Variants in SYN3 observed in about 807,000 individuals in gnomAD.
SYN3 encodes the protein synapsin-3.
Under a neutral mutation model 65.8 loss-of-function variants are expected in SYN3, and 35 were observed. The ratio of observed to expected loss-of-function variants is 0.53; its 90% confidence interval spans 0.41 to 0.70. SYN3 has a LOEUF of 0.70. Ranked by LOEUF, SYN3 falls within the 30% of genes least tolerant of loss-of-function variation. The probability of loss-of-function intolerance (pLI) is 0.00; values close to 1 mark genes in which losing one functional copy is unlikely to be tolerated. For synonymous variants in SYN3, 270 were observed against 292.9 expected (o/e 0.92, Z 0.80); for missense variants, 680 against 749.0 (o/e 0.91, Z 1.08).
intron 12 of SYN3, among the ~76,000 whole-genome samples, chr22:32,527,476 T>C (rs750254735): frequency 2.0e-5 from 3 of 152,020 alleles, no homozygotes; most frequent in Admixed American, 6.6e-5. Context: ...GGTGTGCACC[T>C]GTAATCCCAG....
At chr22:32,840,635 G>A (rs145053386) in intron 6 of SYN3, among the ~76,000 whole-genome samples, 20 of 151,746 alleles carry the variant, frequency 1.3e-4, no homozygotes, top group Non-Finnish European at 2.8e-4. Flanking sequence ...TCTCCTTACC[G>A]CCGCCCCCTC....
At chr22:32,918,983 T>C (rs1277833031) in intron 4 of SYN3, among the ~76,000 whole-genome samples, 1 of 152,224 alleles carries the variant, frequency 6.6e-6, no homozygotes, top group African/African-American at 2.4e-5. Context: ...CCTGGGCTAG[T>C]CCTAGATGCT....
At chr22:32,601,480 T>C (rs547954789) in intron 6 of SYN3, among the ~76,000 whole-genome samples, 5 of 152,362 alleles carry the variant, frequency 3.3e-5, no homozygotes, top group African/African-American at 9.6e-5. Context: ...GGTTTCACCG[T>C]GTTAGCCAGA....
intron 6 of SYN3, among the ~76,000 whole-genome samples, chr22:32,636,754 A>C (rs2059822872): frequency 6.6e-6 from 1 of 152,340 alleles, no homozygotes; most frequent in Middle Eastern, 3.4e-3. Flanking sequence ...AAGCAGTGTC[A>C]GGAGATTTGG....
At chr22:32,569,563 CTCTCTCTCTATA>C (rs960381346) in intron 7 of SYN3, among the ~76,000 whole-genome samples, 46 of 52,888 alleles carry the variant, frequency 8.7e-4, no homozygotes, top group African/African-American at 2.5e-3. Context: ...CTCTCTCTCT[CTCTCTCTCTATA>C]TATATATATA....
At chr22:32,867,880 G>A (rs1485636860) in intron 5 of SYN3, among the ~76,000 whole-genome samples, 1 of 152,142 alleles carries the variant, frequency 6.6e-6, no homozygotes, top group Non-Finnish European at 1.5e-5. Flanking sequence ...CGTGTCTGGC[G>A]AGGAGTGGTA....
chr22:32,633,684 G>A (rs1177602129), intron 6 of SYN3, among the ~76,000 whole-genome samples: 2 of 152,158 alleles, frequency 1.3e-5, no homozygotes, highest in Non-Finnish European at 2.9e-5. Context: ...GTGCAGTGAT[G>A]TGATCACAGC....
intron 5 of SYN3, among the ~76,000 whole-genome samples, chr22:32,868,193 AT>A (rs2048740057): frequency 6.6e-6 from 1 of 152,164 alleles, no homozygotes; most frequent in African/African-American, 2.4e-5. Flanking sequence ...GTTAACAATA[AT>A]GATAGAATGT....
intron 6 of SYN3, among the ~76,000 whole-genome samples, chr22:32,854,404 C>A (rs998526937): frequency 6.6e-6 from 1 of 152,166 alleles, no homozygotes; most frequent in African/African-American, 2.4e-5. Context: ...CCAGGGGCTT[C>A]ATTCTCTCAC....
chr22:32,569,563 C>CTGTATATA (rs373627613), intron 7 of SYN3, among the ~76,000 whole-genome samples: 51 of 52,882 alleles, frequency 9.6e-4, no homozygotes, highest in African/African-American at 2.8e-3. Flanking sequence ...CTCTCTCTCT[C>CTGTATATA]TCTCTCTCTA....
At chr22:32,870,433 A>G (rs2048819567) in intron 4 of SYN3, among the ~76,000 whole-genome samples, 1 of 152,218 alleles carries the variant, frequency 6.6e-6, no homozygotes. Context: ...AGTTCACTGA[A>G]TGATATATCA....
intron 6 of SYN3, among the ~76,000 whole-genome samples, chr22:32,779,333 G>A (rs2045978679): frequency 6.6e-6 from 1 of 152,088 alleles, no homozygotes; most frequent in Non-Finnish European, 1.5e-5. Context: ...GATGGTACAC[G>A]CCTGCAGTCC....
At chr22:32,958,266 G>A (rs1276990838) in intron 3 of SYN3, among the ~76,000 whole-genome samples, 1 of 152,192 alleles carries the variant, frequency 6.6e-6, no homozygotes, top group Non-Finnish European at 1.5e-5. Context: ...CCTAGACCCA[G>A]AGCAAGGGAA....
chr22:32,909,679 T>C (rs1410234980), intron 4 of SYN3, among the ~76,000 whole-genome samples: 1 of 130,520 alleles, frequency 7.7e-6, no homozygotes, highest in Non-Finnish European at 1.6e-5. Context: ...GCCTGGCTGC[T>C]GGCCTGAATT....
chr22:32,521,178 G>A (rs926122120), intron 12 of SYN3, among the ~76,000 whole-genome samples: 1 of 152,164 alleles, frequency 6.6e-6, no homozygotes, highest in East Asian at 1.9e-4. Flanking sequence ...TTGCCCACTT[G>A]AGATAAAAAC....
chr22:32,806,074 G>A (rs2046727144), intron 6 of SYN3, among the ~76,000 whole-genome samples: 1 of 151,782 alleles, frequency 6.6e-6, no homozygotes, highest in Non-Finnish European at 1.5e-5. Flanking sequence ...GTGGCCCAAG[G>A]AGAAGTAAGG....
intron 6 of SYN3, among the ~76,000 whole-genome samples, chr22:32,787,412 A>G (rs1018675377): frequency 6.6e-6 from 1 of 152,190 alleles, no homozygotes; most frequent in Admixed American, 6.5e-5. Context: ...CCTAAAATAT[A>G]TGCTTTCAGA....
intron 1 of SYN3, chr22:33,058,003 T>G (rs967193622): frequency 1.3e-5 from 2 of 152,356 alleles, no homozygotes; most frequent in African/African-American, 2.4e-5. Flanking sequence ...GGATCCACAG[T>G]CTTGCGCGCC....
At chr22:32,970,313 G>C (rs780353808) in intron 3 of SYN3, among the ~76,000 whole-genome samples, 77 of 152,034 alleles carry the variant, frequency 5.1e-4, no homozygotes, top group Non-Finnish European at 1.0e-3. Flanking sequence ...TCTGGCTTGA[G>C]AGTCCAAGCT....
Sources: allele counts gnomAD v4.1 joint callset (sites outside exome capture counted in the v4.1 genomes callset), GRCh38; gene constraint gnomAD v4.1.1; transcripts MANE v1.5; gene names NCBI Gene and HGNC (gene_info 2026-07-23, HGNC 2026-07-21).